VCAN: variants seen among roughly 807,000 people sequenced by gnomAD.
VCAN encodes versican.
VCAN carries 44 observed loss-of-function variants against 245.5 expected under a neutral mutation model. That is an observed-to-expected ratio of 0.18 (90% CI 0.14 to 0.23). The LOEUF is 0.23. VCAN is among the 10% of genes least tolerant of loss of function. VCAN has a pLI of 1.00. For missense variants in VCAN, 3,793 were observed against 4,057.9 expected, an observed-to-expected ratio of 0.93 and a Z score of 1.77; for synonymous variants, 1,413 against 1,437.0, an observed-to-expected ratio of 0.98 and a Z score of 0.38.
chr5:83,542,138 A>G lies in VCAN; in HGVS notation c.9135A>G (p.Thr3045=). 1 of 1,614,138 alleles carries G rather than the reference A, an allele frequency of 6.2e-7. No individual in the cohort carries two copies. The change falls in exon 8 of 15, where the codon ACA becomes ACG. Residue 3045 remains threonine (T), a synonymous_variant. Coordinates refer to ENST00000265077, the MANE Select transcript of VCAN (RefSeq NM_004385.5). The part of the protein sequence containing the change: ...ARILDSNDQA[T]VNPVEFNTEV... ...TTCTTGATTCCAATGATCAGGCAAC[A>G]GTAAACCCTGTGGAATTTAATACTG...
intron 5 of VCAN, 72 bp from the exon 6 acceptor site, chr5:83,512,031 C>T (rs1448540164): frequency 4.4e-6 from 7 of 1,595,602 alleles, no homozygotes; most frequent in South Asian, 3.3e-5. Context: ...ATTCCTTCCC[C>T]ACCATATTTA....
In VCAN at chr5:83,537,010, G is replaced by T; in HGVS notation, c.4007G>T (p.Arg1336Leu). 2 of 1,583,660 alleles carry T rather than the reference G, an allele frequency of 1.3e-6. No individual in the cohort carries two copies. The highest frequency in any genetic ancestry group is 2.3e-5 in the South Asian group (2 of 85,610). ...IIEVRENKTG[R>L]MSDLSVIGHP... is the part of the protein sequence containing the mutation. ...GTGAAAACTCTGTTTTTTTCAGGTC[G>T]AATGAGTGATTTGAGTGTAATTGGT... The change falls in exon 8 of 15, where the codon CGA becomes CTA. Residue 1336 changes from arginine (R) to leucine (L), a missense_variant. Physicochemically the swap from Arg to Leu is moderately radical, Grantham distance 102. Around this residue, in one of 5 missense-constraint regions of VCAN, gnomAD observed 3,182 missense variants for 3,250.3 expected, o/e 0.98. Coordinates refer to ENST00000265077, the MANE Select transcript of VCAN (RefSeq NM_004385.5).
intron 12 of VCAN, among the ~76,000 whole-genome samples, chr5:83,568,722 C>T (rs2112494269): frequency 1.3e-5 from 2 of 152,232 alleles, no homozygotes; most frequent in Middle Eastern, 3.4e-3. Flanking sequence ...ATGCACATAT[C>T]ATTTTATAAA....
In VCAN at chr5:83,579,517, C is replaced by A. The variant is rs148327510; in HGVS notation, c.9881-463C>A. On this transcript the variant is annotated intron_variant, in intron 13 of 14. Transcript: ENST00000265077. ...TGATCTCGTGATCCACCCCGCTTGG[C>A]CTCCCAAAGTGCTGGGATTACAGGC... 1.2e-3 allele frequency among the ~76,000 whole-genome samples: 183 copies of A among 152,264 alleles called. 1 individual carries two copies. Among genetic ancestry groups the A allele is most frequent in the African/African-American group, 3.9e-3 (164 of 41,552 alleles).
At chr5:83,518,638 C>T (rs1426507691) in intron 6 of VCAN, among the ~76,000 whole-genome samples, 2 of 151,284 alleles carry the variant, frequency 1.3e-5, no homozygotes, top group African/African-American at 4.9e-5. Context: ...CTCTGCCAGG[C>T]ACATTTTATA....
intron 5 of VCAN, among the ~76,000 whole-genome samples, chr5:83,511,578 T>A (rs567255623): frequency 1.3e-5 from 2 of 152,014 alleles, no homozygotes; most frequent in Admixed American, 1.3e-4. Context: ...TTATTTTTTT[T>A]TTTTTTTATT....
chr5:83,556,037 C>G (rs1305452017), intron 12 of VCAN, among the ~76,000 whole-genome samples: 1 of 152,198 alleles, frequency 6.6e-6, no homozygotes, highest in Non-Finnish European at 1.5e-5. Context: ...CATTCAAAAA[C>G]AGATGTCAAA....
intron 5 of VCAN, 64 bp downstream of exon 5, chr5:83,493,995 C>A: frequency 6.2e-7 from 1 of 1,610,688 alleles, no homozygotes; most frequent in East Asian, 2.2e-5. Context: ...ACCAGAAGTT[C>A]ATTGGAATAG....
At chr5:83,493,751 A>G in intron 4 of VCAN, 31 bp downstream of exon 4, 5 of 1,614,138 alleles carry the variant, frequency 3.1e-6, no homozygotes, top group Non-Finnish European at 4.2e-6. Context: ...AGGCTTCATT[A>G]TTAACTTGAG....
chr5:83,564,418 G>C (rs1356228830), intron 12 of VCAN, among the ~76,000 whole-genome samples: 1 of 152,064 alleles, frequency 6.6e-6, no homozygotes, highest in Non-Finnish European at 1.5e-5. Flanking sequence ...CTGTAGTTTT[G>C]AATAGTTTCT....
chr5:83,553,461 C>T lies in VCAN; in HGVS notation c.9591C>T (p.Cys3197=), dbSNP rs1211817893. ...RRTWDAAERE[C]RLQGAHLTSI... ...CATGGGATGCAGCTGAACGGGAATG[C>T]CGTCTGCAGGGTGCCCATCTCACAA... The change falls in exon 11 of 15, where the codon TGC becomes TGT. Residue 3197 remains cysteine, a synonymous_variant. Coordinates refer to ENST00000265077, the MANE Select transcript of VCAN (RefSeq NM_004385.5). 1 of 1,614,080 alleles carries T rather than the reference C, an allele frequency of 6.2e-7. No individual in the cohort carries two copies. Among genetic ancestry groups the T allele is most frequent in the South Asian group, 1.1e-5 (1 of 91,082 alleles).
chr5:83,525,714 G>A (rs1438624737), intron 7 of VCAN, among the ~76,000 whole-genome samples: 1 of 152,046 alleles, frequency 6.6e-6, no homozygotes, highest in Admixed American at 6.6e-5. Context: ...ATGTATGTGT[G>A]CAGGTGAAAA....
rs146518697 is a variant in VCAN, at chr5:83,519,881, G to T, written c.1575G>T (p.Met525Ile). The T allele has an allele frequency of 1.9e-6, 3 of 1,614,102 alleles. No individual in the cohort carries two copies. The Admixed American group carries it at 5.0e-5, about 27-fold the overall frequency. ...VTETPLVTAR[M>I]ILESKTEKKM... ...AAACACCATTGGTAACTGCAAGAAT[G>T]ATCCTGGAATCCAAAACTGAAAAGA... Residue 525 changes from methionine (M) to isoleucine (I), a missense_variant, in exon 7 of 15, where the codon ATG (methionine) becomes ATT (isoleucine). Coordinates refer to ENST00000265077, the MANE Select transcript of VCAN (RefSeq NM_004385.5).
At chr5:83,551,519 A>G (rs2112467228) in intron 10 of VCAN, among the ~76,000 whole-genome samples, 1 of 152,300 alleles carries the variant, frequency 6.6e-6, no homozygotes, top group East Asian at 1.9e-4. Context: ...CACAAAAAAA[A>G]TAAAAAATAA....
Position 83,572,897 on chromosome 5 carries a change from AT to A in VCAN, c.9880+340del, listed in dbSNP as rs374683140. Among the ~76,000 whole-genome samples the A allele has an allele frequency of 1.4e-4, 16 of 117,958 alleles. 1 individual carries two copies. The South Asian group carries it at 2.6e-3, about 19-fold the overall frequency. 77.4% of individuals were successfully genotyped at this position (117,958 alleles called of 152,430 possible). A position where few individuals can be genotyped will look rare whatever the true frequency, so the allele number is the denominator to read the frequency against. Reference sequence around the variant, plus strand: ...TATTTATTTATTTATTTATTTATTTATTTATTATTATTATTGTTTTTTGAGA... The same window carrying A: ...TATTTATTTATTTATTTATTTATTTATTATTATTATTATTGTTTTTTGAGA... On this transcript the variant is annotated intron_variant, in intron 13 of 14. Coordinates refer to ENST00000265077, the MANE Select transcript of VCAN (RefSeq NM_004385.5).
Position 83,539,388 on chromosome 5 carries a change from C to A in VCAN, c.6385C>A (p.Pro2129Thr). 6 of 1,614,004 alleles carry A rather than the reference C, an allele frequency of 3.7e-6. No homozygotes were observed. The highest frequency in any genetic ancestry group is 5.1e-6 in the Non-Finnish European group (6 of 1,179,972). Reference sequence around the variant, plus strand: ...TCAAGAAGAAAAGTCATTTGAATCCCCTCAAAACTCTCCTGCAACAGAACA... The same window carrying A: ...TCAAGAAGAAAAGTCATTTGAATCCACTCAAAACTCTCCTGCAACAGAACA... ...QIQEEKSFESPQNSPATEQTI... is the reference protein window; with the variant it reads ...QIQEEKSFESTQNSPATEQTI... The change falls in exon 8 of 15, where the codon CCT becomes ACT. Residue 2129 changes from proline to threonine, a missense_variant. Transcript: ENST00000265077.
At chr5:83,511,245 G>A (rs1366612084) in intron 5 of VCAN, among the ~76,000 whole-genome samples, 4 of 151,112 alleles carry the variant, frequency 2.6e-5, no homozygotes, top group East Asian at 3.9e-4. Context: ...GGGTTCAAGC[G>A]ATTCTCCTAA....
In VCAN at chr5:83,471,782, G is replaced by T. The variant is rs944371248; in HGVS notation, c.-248G>T. The T allele has an allele frequency of 2.5e-6, 1 of 398,824 alleles. No homozygotes were observed. Among genetic ancestry groups the T allele is most frequent in the Non-Finnish European group, 4.4e-6 (1 of 226,254 alleles). 24.7% of individuals were successfully genotyped at this position (398,824 alleles called of 1,614,324 possible). On this transcript the variant is annotated 5_prime_UTR_variant, in exon 1 of 15. Transcript: ENST00000265077. ...CAGGCGAGCTGCCCCGAGCCTTTCT[G>T]GGGAAGAACTCCAGGCGTGCGGACG...
rs774049107 is a variant in VCAN, at chr5:83,553,444, G to A, written c.9574G>A (p.Ala3192Thr). ...KYFAHRRTWD[A>T]AERECRLQGA... ...CTTTGCCCATCGACGCACATGGGAT[G>A]CAGCTGAACGGGAATGCCGTCTGCA... is the stretch of plus-strand genomic sequence containing the variant. Residue 3192 changes from alanine (A) to threonine (T), a missense_variant, in exon 11 of 15, where the codon GCA (alanine) becomes ACA (threonine). By Grantham distance (58) the Ala-to-Thr change is moderately conservative (BLOSUM62 0). Coordinates refer to ENST00000265077, the MANE Select transcript of VCAN (RefSeq NM_004385.5). 9.9e-6 allele frequency: 16 copies of A among 1,613,974 alleles called. No homozygotes were observed. The highest frequency in any genetic ancestry group is 1.4e-5 in the Non-Finnish European group (16 of 1,179,996).
Sources: gnomAD v4.1 joint callset for allele counts (sites outside exome capture counted in the v4.1 genomes callset) on GRCh38, gnomAD v4.1.1 for gene constraint, gnomAD v4.1.1 regional missense constraint, MANE v1.5 for transcripts, NCBI Gene and HGNC (gene_info 2026-07-23, HGNC 2026-07-21) for gene names.